Variants in RPL24 observed in about 807,000 individuals in gnomAD.
RPL24 encodes the protein large ribosomal subunit protein eL24.
A neutral mutation model predicts 26.4 loss-of-function variants in RPL24; 7 were observed. The observed-to-expected ratio is 0.27, with a 90% confidence interval of 0.15 to 0.50. RPL24 has a LOEUF of 0.50. Ranked by LOEUF, RPL24 falls within the 20% of genes least tolerant of loss-of-function variation. The pLI is 0.98. For missense variants in RPL24, 109 were observed against 194.9 expected, an observed-to-expected ratio of 0.56 and a Z score of 2.62; for synonymous variants, 67 against 65.2, an observed-to-expected ratio of 1.03 and a Z score of -0.13.
At chr3:101,682,398 G>A (rs1057419550) in intron 5 of RPL24, 31 bp downstream of exon 5, 17 of 1,570,604 alleles carry the variant, frequency 1.1e-5, no homozygotes, top group Non-Finnish European at 1.5e-5. Context: ...CTGTTGTATT[G>A]TTCAAGAAAG....
At position 101,684,776 on chromosome 3, in the gene RPL24, C is replaced by CAAAAAAA. The variant is rs57278210; in HGVS notation, c.192+1035_192+1041dup. Reference sequence around the variant, plus strand: ...CTGAGCAACAGAGGACCTGTCTCCCCAAAAAAAAAAAAAAAAAAAAAAAAA... The same window carrying CAAAAAAA: ...CTGAGCAACAGAGGACCTGTCTCCCCAAAAAAAAAAAAAAAAAAAAAAAAAAAAAAAA... On this transcript the variant is annotated intron_variant, in intron 3 of 5. Transcript: ENST00000394077. 5.4e-3 allele frequency among the ~76,000 whole-genome samples: 289 copies of CAAAAAAA among 53,188 alleles called. 45 individuals are homozygous for CAAAAAAA. Among genetic ancestry groups the CAAAAAAA allele is most frequent in the African/African-American group, 8.7e-3 (107 of 12,336 alleles). 34.9% of individuals were successfully genotyped at this position (53,188 alleles called of 152,430 possible). A position where few individuals can be genotyped will look rare whatever the true frequency, so the allele number is the denominator to read the frequency against.
At chr3:101,683,697 TTTTTC>T (rs1428382849) in intron 3 of RPL24, among the ~76,000 whole-genome samples, 62 of 150,650 alleles carry the variant, frequency 4.1e-4, no homozygotes, top group African/African-American at 1.3e-3. Context: ...AACCTTTTGG[TTTTTC>T]TTTTCTTTTT....
chr3:101,684,759 C>A (rs1198704292), intron 3 of RPL24, among the ~76,000 whole-genome samples: 7 of 88,500 alleles, frequency 7.9e-5, no homozygotes, highest in South Asian at 4.6e-4. Context: ...GCCTGAGCAA[C>A]AGAGGACCTG....
intron 2 of RPL24, 126 bp from the exon 3 acceptor site, chr3:101,686,054 C>G: frequency 3.1e-6 from 2 of 651,742 alleles, no homozygotes; most frequent in East Asian, 5.4e-5. Context: ...CTGAGGCCCA[C>G]AAGGACCAAA....
chr3:101,681,146 C>T lies in RPL24; in HGVS notation c.463G>A (p.Gly155Arg). ...PVKVSAPRVG[G>R]KR ...TCTAATCTGCCAGTTTAGCGTTTTC[C>T]ACCAACTCGGGGAGCTGAAACTTTC... The change falls in exon 6 of 6, where the codon GGA becomes AGA. Residue 155 changes from glycine (G) to arginine (R), a missense_variant. Around this residue, in one of 3 missense-constraint regions of RPL24, gnomAD observed 39 missense variants for 80.3 expected, o/e 0.49. Coordinates refer to ENST00000394077, the MANE Select transcript of RPL24 (RefSeq NM_000986.4). The T allele has an allele frequency of 6.2e-7, 1 of 1,611,240 alleles. No individual in the cohort carries two copies. Among genetic ancestry groups the T allele is most frequent in the Non-Finnish European group, 8.5e-7 (1 of 1,177,560 alleles).
At chr3:101,685,033 T>A (rs1937318219) in intron 3 of RPL24, among the ~76,000 whole-genome samples, 1 of 152,106 alleles carries the variant, frequency 6.6e-6, no homozygotes. Flanking sequence ...TTTTAGGGTA[T>A]AACTTAGAAG....
intron 1 of RPL24, 39 bp downstream of exon 1, chr3:101,686,633 G>A (rs561219663): frequency 6.2e-7 from 1 of 1,614,202 alleles, no homozygotes; most frequent in South Asian, 1.1e-5. Context: ...AGTTCTGCCC[G>A]AGGATGTAAG....
intron 4 of RPL24, 109 bp downstream of exon 4, chr3:101,682,662 C>G: frequency 1.6e-6 from 2 of 1,278,432 alleles, no homozygotes; most frequent in Non-Finnish European, 2.2e-6. Context: ...TCATTAACCA[C>G]CAAATCAGCT....
intron 3 of RPL24, 48 bp downstream of exon 3, chr3:101,685,770 T>G (rs377404399): frequency 7.4e-6 from 8 of 1,086,466 alleles, no homozygotes; most frequent in African/African-American, 6.3e-5. Context: ...TCAGAGAGCT[T>G]TGACAACTTA....
chr3:101,682,178 CCT>C (rs1453950846), intron 5 of RPL24: 9 of 426,068 alleles, frequency 2.1e-5, no homozygotes, highest in South Asian at 1.0e-4. Context: ...ATGGTGAAAC[CCT>C]GTCTCTACTT....
chr3:101,683,040 T>C, intron 3 of RPL24, 133 bp from the exon 4 acceptor site: 1 of 841,934 alleles, frequency 1.2e-6, no homozygotes, highest in Non-Finnish European at 1.8e-6. Flanking sequence ...AATTCATATA[T>C]TTGAAATAAA....
Position 101,684,776 on chromosome 3 carries a change from C to CAAAAAAAAAAAAAAAAAAA in RPL24, c.192+1023_192+1041dup. ...CTGAGCAACAGAGGACCTGTCTCCC[C>CAAAAAAAAAAAAAAAAAAA]AAAAAAAAAAAAAAAAAAAAAAAAA... is the stretch of plus-strand genomic sequence containing the variant. On this transcript the variant is annotated intron_variant, in intron 3 of 5. Coordinates refer to ENST00000394077, the MANE Select transcript of RPL24 (RefSeq NM_000986.4). Among the ~76,000 whole-genome samples, 75 of 53,210 alleles carry CAAAAAAAAAAAAAAAAAAA rather than the reference C, an allele frequency of 1.4e-3. 7 individuals are homozygous for CAAAAAAAAAAAAAAAAAAA. Among genetic ancestry groups the CAAAAAAAAAAAAAAAAAAA allele is most frequent in the Non-Finnish European group, 1.8e-3 (55 of 31,346 alleles). 34.9% of individuals were successfully genotyped at this position (53,210 alleles called of 152,430 possible). A position where few individuals can be genotyped will look rare whatever the true frequency, so the allele number is the denominator to read the frequency against.
intron 3 of RPL24, among the ~76,000 whole-genome samples, chr3:101,684,590 G>C (rs893237602): frequency 1.3e-5 from 2 of 151,880 alleles, no homozygotes; most frequent in African/African-American, 4.8e-5. Context: ...ACGAAATTGG[G>C]CAACATCGCA....
intron 3 of RPL24, among the ~76,000 whole-genome samples, chr3:101,683,751 C>T (rs1199799588): frequency 6.6e-6 from 1 of 150,680 alleles, no homozygotes; most frequent in African/African-American, 2.4e-5. Context: ...CTCTGTTGCC[C>T]AGGCTGGAGT....
intron 5 of RPL24, 157 bp from the exon 6 acceptor site, chr3:101,681,372 T>G: frequency 1.6e-6 from 1 of 613,626 alleles, no homozygotes; most frequent in Non-Finnish European, 3.0e-6. Flanking sequence ...CCTTAAATAT[T>G]TAAAGCCCAT....
chr3:101,682,276 G>T (rs912268990), intron 5 of RPL24, 153 bp downstream of exon 5: 1 of 665,398 alleles, frequency 1.5e-6, no homozygotes, highest in Admixed American at 2.4e-5. Context: ...TGAGGCAGGA[G>T]TATCACTTGA....
Position 101,682,422 on chromosome 3 carries a change from T to C in RPL24, c.393+7A>G, listed in dbSNP as rs762418107. 5 of 1,609,614 alleles carry C rather than the reference T, an allele frequency of 3.1e-6. No individual in the cohort carries two copies. Among genetic ancestry groups the C allele is most frequent in the Admixed American group, 3.3e-5 (2 of 59,996 alleles). On this transcript the variant is annotated splice_region_variant and intron_variant, in intron 5 of 5. Transcript: ENST00000394077. The stretch of plus-strand genomic sequence containing the variant: ...TGTTCAAGAAAGTAAAGAAACCCCA[T>C]AATTACCTTAGCAGCAGCCATTGCA...
Position 101,686,604 on chromosome 3 carries a change from G to A in RPL24, c.6-47C>T, listed in dbSNP as rs769816977. On this transcript the variant is annotated intron_variant, in intron 1 of 5. Transcript: ENST00000394077. ...CATCAGGGAGGGTGTCTACAGCCAT[G>A]CCAGGGACGACAGAGAGGAGTTCTG... 52 of 1,613,910 alleles carry A rather than the reference G, an allele frequency of 3.2e-5. No homozygotes were observed. In the Admixed American group the frequency reaches 6.8e-4, roughly 21 times the overall value.
chr3:101,684,186 ATGGAGCCTCACCC>A (rs1446631228), intron 3 of RPL24, among the ~76,000 whole-genome samples: 86 of 146,842 alleles, frequency 5.9e-4, no homozygotes, highest in African/African-American at 2.1e-3. Flanking sequence ...TTTTTTTTAA[ATGGAGCCTCACCC>A]TGTCACCCAG....
Sources: gnomAD v4.1 joint callset for allele counts (sites outside exome capture counted in the v4.1 genomes callset) on GRCh38, gnomAD v4.1.1 for gene constraint, gnomAD v4.1.1 regional missense constraint, MANE v1.5 for transcripts, NCBI Gene and HGNC (gene_info 2026-07-23, HGNC 2026-07-21) for gene names.